NIPA2: variants seen among roughly 807,000 people sequenced by gnomAD.
NIPA2 encodes NIPA magnesium transporter 2, also known as magnesium transporter NIPA2.
In NIPA2, 11 loss-of-function variants were observed where a neutral mutation model predicts 29.7. The ratio of observed to expected loss-of-function variants is 0.37; its 90% confidence interval spans 0.23 to 0.61. The LOEUF is 0.61. Ranked by LOEUF, NIPA2 falls within the 20% of genes least tolerant of loss-of-function variation. The pLI is 0.66. For missense variants in NIPA2, 426 were observed against 437.9 expected (o/e 0.97, Z 0.24); for synonymous variants, 183 against 161.9 (o/e 1.13, Z -0.99).
At chr15:22,866,106 C>T in intron 7 of NIPA2, 107 bp from the exon 8 acceptor site, 2 of 888,748 alleles carry the variant, frequency 2.3e-6, no homozygotes, top group Non-Finnish European at 3.4e-6. Flanking sequence ...TTTTTATTTC[C>T]AGGCCATACC....
At chr15:22,859,797 A>G (rs769244417) in intron 6 of NIPA2, among the ~76,000 whole-genome samples, 4 of 152,146 alleles carry the variant, frequency 2.6e-5, no homozygotes, top group Admixed American at 1.3e-4. Flanking sequence ...GGGTTATGGT[A>G]TAAGTCATTG....
At chr15:22,855,180 A>AGGT (rs1343057719) in intron 5 of NIPA2, among the ~76,000 whole-genome samples, 1 of 152,024 alleles carries the variant, frequency 6.6e-6, no homozygotes, top group East Asian at 1.9e-4. Context: ...TGGGAGCCCG[A>AGGT]GGTGGGTGGA....
chr15:22,853,347 C>A, intron 5 of NIPA2, 79 bp downstream of exon 5: 9 of 783,594 alleles, frequency 1.1e-5, no homozygotes, highest in South Asian at 1.7e-5. Flanking sequence ...AGCCTCATTA[C>A]TAGCAAGTTT....
At chr15:22,843,522 C>T (rs1897720400) in intron 2 of NIPA2, among the ~76,000 whole-genome samples, 1 of 150,578 alleles carries the variant, frequency 6.6e-6, no homozygotes, top group Admixed American at 6.7e-5. Flanking sequence ...AAAAAAAAAT[C>T]TCTGGACCTG....
At chr15:22,854,394 G>C (rs1052246939) in intron 5 of NIPA2, among the ~76,000 whole-genome samples, 1 of 151,724 alleles carries the variant, frequency 6.6e-6, no homozygotes, top group Non-Finnish European at 1.5e-5. Flanking sequence ...CAAAGTGCTG[G>C]GATTACAGGT....
In NIPA2 at chr15:22,866,495, A is replaced by G. The variant is rs371775791; in HGVS notation, c.731A>G (p.Asn244Ser). The G allele has an allele frequency of 5.9e-5, 96 of 1,613,806 alleles. No homozygotes were observed. Among genetic ancestry groups the G allele is most frequent in the South Asian group, 2.0e-4 (18 of 91,080 alleles). Reference protein sequence around the residue: ...NYLNRALDIFNTSIVTPIYYV... With the variant: ...NYLNRALDIFSTSIVTPIYYV... ...CTAAATAGGGCCCTGGATATATTCA[A>G]CACTTCCATTGTGACTCCAATATAT... Residue 244 changes from asparagine to serine, a missense_variant, in exon 8 of 8, where the codon AAC becomes AGC. Physicochemically the swap from Asn to Ser is conservative, Grantham distance 46 (BLOSUM62 1). Coordinates refer to ENST00000337451, the MANE Select transcript of NIPA2 (RefSeq NM_030922.7).
intron 7 of NIPA2, among the ~76,000 whole-genome samples, chr15:22,862,073 GT>G (rs759510372): frequency 4.7e-5 from 3 of 63,862 alleles, no homozygotes; most frequent in Non-Finnish European, 8.9e-5. Flanking sequence ...TTGAGACAGA[GT>G]TTTGTTCTTC....
intron 5 of NIPA2, among the ~76,000 whole-genome samples, chr15:22,856,098 G>A (rs2058158219): frequency 6.6e-6 from 1 of 152,102 alleles, no homozygotes. Flanking sequence ...GGACACTCAG[G>A]CAGCCATGGA....
intron 3 of NIPA2, among the ~76,000 whole-genome samples, chr15:22,849,889 G>C (rs1197022401): frequency 6.6e-6 from 1 of 152,000 alleles, no homozygotes; most frequent in Non-Finnish European, 1.5e-5. Flanking sequence ...TTTGTCTTAG[G>C]TTGTGGGGTG....
chr15:22,855,794 T>C (rs754337089), intron 5 of NIPA2, among the ~76,000 whole-genome samples: 3 of 152,094 alleles, frequency 2.0e-5, no homozygotes, highest in Admixed American at 6.6e-5. Context: ...CATATGATAT[T>C]TGGGGGAGAA....
In NIPA2 at chr15:22,866,209, C is replaced by T; in HGVS notation, c.449-4C>T. On this transcript the variant is annotated splice_polypyrimidine_tract_variant and splice_region_variant and intron_variant, in intron 7 of 7. Coordinates refer to ENST00000337451, the MANE Select transcript of NIPA2 (RefSeq NM_030922.7). Reference sequence around the variant, plus strand: ...CTCATGTAACTTTTCTTTGCCTCCTCCAGGTTTTGTGGTCTTTGCAACCCT... The same window carrying T: ...CTCATGTAACTTTTCTTTGCCTCCTTCAGGTTTTGTGGTCTTTGCAACCCT... The T allele has an allele frequency of 2.5e-6, 4 of 1,606,604 alleles. No homozygotes were observed. Among genetic ancestry groups the T allele is most frequent in the Non-Finnish European group, 3.4e-6 (4 of 1,174,414 alleles).
chr15:22,862,750 T>TCTA (rs2058708887), intron 7 of NIPA2, among the ~76,000 whole-genome samples: 1 of 152,078 alleles, frequency 6.6e-6, no homozygotes, highest in Non-Finnish European at 1.5e-5. Context: ...TATTAGAAGG[T>TCTA]GTAGAGGTTT....
Position 22,860,795 on chromosome 15 carries a change from A to C in NIPA2, c.448+6A>C. ...TCACAAGCTAGGTGATCCAGGTAAG[A>C]AAAAAGTCTTATTAGTCTTACTGTA... On this transcript the variant is annotated splice_donor_region_variant and intron_variant, in intron 7 of 7. Transcript: ENST00000337451. 6.3e-7 allele frequency: 1 copy of C among 1,578,704 alleles called. No homozygotes were observed. The highest frequency in any genetic ancestry group is 8.6e-7 in the Non-Finnish European group (1 of 1,168,250).
intron 7 of NIPA2, among the ~76,000 whole-genome samples, chr15:22,861,930 G>T (rs556640202): frequency 2.6e-5 from 4 of 151,914 alleles, no homozygotes; most frequent in African/African-American, 4.8e-5. Context: ...TAGAAACAAG[G>T]TTTTACCATG....
chr15:22,843,613 G>C (rs1371798132), intron 2 of NIPA2, among the ~76,000 whole-genome samples: 1 of 151,698 alleles, frequency 6.6e-6, no homozygotes, highest in Non-Finnish European at 1.5e-5. Context: ...AAAAGTTTAA[G>C]GCTGTCTATG....
intron 2 of NIPA2, among the ~76,000 whole-genome samples, chr15:22,842,655 C>T (rs549301514): frequency 1.3e-5 from 2 of 152,130 alleles, no homozygotes; most frequent in African/African-American, 4.8e-5. Context: ...ATGGCGAAAC[C>T]CCATCTCTAC....
At chr15:22,839,945 T>G in intron 2 of NIPA2, among the ~76,000 whole-genome samples, 155 bp downstream of exon 2, 1 of 152,334 alleles carries the variant, frequency 6.6e-6, no homozygotes, top group Admixed American at 6.5e-5. Context: ...TTAATTTTTC[T>G]GAGCCAAGGT....
rs1191608868 is a variant in NIPA2 at position 22,841,677 on chromosome 15, T to C, written c.-216+1887T>C. On this transcript the variant is annotated intron_variant, in intron 2 of 7. Transcript: ENST00000337451. The stretch of plus-strand genomic sequence containing the variant: ...GCGCCCGCCACCATGCCTGGCTGAT[T>C]TTTGTATTTTTAGTAGAGTCGGGGT... Among the ~76,000 whole-genome samples, 28 of 152,054 alleles carry C rather than the reference T, an allele frequency of 1.8e-4. 1 individual carries two copies.
chr15:22,858,653 G>C lies in NIPA2; in HGVS notation c.287+23G>C, dbSNP rs761374564. On this transcript the variant is annotated intron_variant, in intron 6 of 7. Transcript: ENST00000337451. ...AAGGTAAGGACACGTTTTTCATGTAGAAACAGTAGTCGGTATCTTAGTTTC... is the reference window on the plus strand; with the variant it reads ...AAGGTAAGGACACGTTTTTCATGTACAAACAGTAGTCGGTATCTTAGTTTC... 2.8e-6 allele frequency: 4 copies of C among 1,411,576 alleles called. No homozygotes were observed. The South Asian group carries it at 5.1e-5, about 18-fold the overall frequency. 87.4% of individuals were successfully genotyped at this position (1,411,576 alleles called of 1,614,324 possible). A position where few individuals can be genotyped will look rare whatever the true frequency, so the allele number is the denominator to read the frequency against.
Sources: gnomAD v4.1 joint callset for allele counts (sites outside exome capture counted in the v4.1 genomes callset) on GRCh38, gnomAD v4.1.1 for gene constraint, MANE v1.5 for transcripts, NCBI Gene and HGNC (gene_info 2026-07-23, HGNC 2026-07-21) for gene names.